Variants in DOCK3 observed in about 807,000 individuals in gnomAD.
The protein encoded by DOCK3 is dedicator of cytokinesis 3, also known as dedicator of cytokinesis protein 3.
In DOCK3, 60 loss-of-function variants were observed where a neutral mutation model predicts 265.6. That is an observed-to-expected ratio of 0.23 (90% CI 0.18 to 0.28). The LOEUF is 0.28. DOCK3 is among the 10% of genes least tolerant of loss of function. The probability of loss-of-function intolerance (pLI) is 1.00; values close to 1 mark genes in which losing one functional copy is unlikely to be tolerated. For synonymous variants in DOCK3, 881 were observed against 938.0 expected (o/e 0.94, Z 1.11); for missense variants, 1,981 against 2,594.3 (o/e 0.76, Z 5.14).
At chr3:51,351,785 T>C (rs2086003977) in intron 40 of DOCK3, among the ~76,000 whole-genome samples, 1 of 151,300 alleles carries the variant, frequency 6.6e-6, no homozygotes, top group Non-Finnish European at 1.5e-5. Context: ...GCCTCCCGAG[T>C]GGCTGGGATT....
chr3:51,041,517 C>A (rs528270981), intron 5 of DOCK3, among the ~76,000 whole-genome samples: 2 of 151,954 alleles, frequency 1.3e-5, no homozygotes, highest in South Asian at 2.1e-4. Context: ...GCACCCGGCC[C>A]AAAATGTATT....
chr3:50,936,945 T>A (rs2051396328), intron 5 of DOCK3, among the ~76,000 whole-genome samples: 1 of 152,196 alleles, frequency 6.6e-6, no homozygotes. Flanking sequence ...AAAATTATAA[T>A]GTTGATACAG....
intron 40 of DOCK3, among the ~76,000 whole-genome samples, chr3:51,350,680 T>A (rs979695515): frequency 6.6e-6 from 1 of 152,132 alleles, no homozygotes; most frequent in Non-Finnish European, 1.5e-5. Context: ...GAGTGTGCCA[T>A]AGGTGCCTTC....
chr3:50,833,959 G>A (rs2045351569), intron 2 of DOCK3, among the ~76,000 whole-genome samples: 1 of 152,126 alleles, frequency 6.6e-6, no homozygotes, highest in African/African-American at 2.4e-5. Flanking sequence ...AAAGCTGTAA[G>A]TAGCTCAAAA....
intron 9 of DOCK3, among the ~76,000 whole-genome samples, chr3:51,118,332 A>G (rs1486848240): frequency 1.3e-5 from 2 of 152,162 alleles, no homozygotes; most frequent in African/African-American, 2.4e-5. Context: ...ACTGTTTGGC[A>G]TGATTTCCAT....
intron 4 of DOCK3, among the ~76,000 whole-genome samples, chr3:50,907,578 C>G (rs1293179312): frequency 6.6e-6 from 1 of 151,974 alleles, no homozygotes; most frequent in Non-Finnish European, 1.5e-5. Flanking sequence ...ATTGCAACCC[C>G]TGCCTTTTTT....
intron 9 of DOCK3, among the ~76,000 whole-genome samples, chr3:51,104,601 C>T (rs1379583169): frequency 6.6e-6 from 1 of 152,098 alleles, no homozygotes; most frequent in East Asian, 1.9e-4. Context: ...ATTATGATTG[C>T]CTCTGAGTGA....
In DOCK3 at chr3:51,314,988, A is replaced by G; in HGVS notation, c.3262A>G (p.Lys1088Glu). The G allele has an allele frequency of 6.2e-7, 1 of 1,605,714 alleles. No individual in the cohort carries two copies. Among genetic ancestry groups the G allele is most frequent in the Non-Finnish European group, 8.5e-7 (1 of 1,174,970 alleles). The part of the protein sequence containing the change: ...FSMWQNLGEH[K>E]IHFIPGMIGP... ...TGGGTTTTGTTTTTCAGGTGAACAT[A>G]AGATCCACTTTATTCCGGGAATGAT... Residue 1088 changes from lysine to glutamate, a missense_variant, in exon 32 of 53, where the codon AAG becomes GAG. Lys to Glu is a moderately conservative substitution (Grantham distance 56). Coordinates refer to ENST00000266037, the MANE Select transcript of DOCK3 (RefSeq NM_004947.5).
intron 32 of DOCK3, among the ~76,000 whole-genome samples, chr3:51,326,907 G>A (rs2084166170): frequency 6.6e-6 from 1 of 152,098 alleles, no homozygotes; most frequent in Non-Finnish European, 1.5e-5. Context: ...TTACAGGCAT[G>A]ACCCACCTCT....
intron 28 of DOCK3, among the ~76,000 whole-genome samples, chr3:51,311,493 T>C (rs2083063987): frequency 6.6e-6 from 1 of 152,172 alleles, no homozygotes; most frequent in Non-Finnish European, 1.5e-5. Context: ...TGAATTCAAA[T>C]GACACATAGA....
At chr3:51,328,025 A>G (rs1018674626) in intron 32 of DOCK3, among the ~76,000 whole-genome samples, 1 of 152,150 alleles carries the variant, frequency 6.6e-6, no homozygotes. Flanking sequence ...AAAACACTTG[A>G]ATAGGTATCA....
At chr3:50,993,903 C>T (rs2078192984) in intron 5 of DOCK3, among the ~76,000 whole-genome samples, 2 of 152,190 alleles carry the variant, frequency 1.3e-5, no homozygotes, top group Non-Finnish European at 2.9e-5. Context: ...GCATTGTCTG[C>T]CCTGTGCTGC....
intron 9 of DOCK3, among the ~76,000 whole-genome samples, chr3:51,136,733 A>G (rs1233822640): frequency 6.6e-6 from 1 of 152,152 alleles, no homozygotes; most frequent in Non-Finnish European, 1.5e-5. Flanking sequence ...GAGGAAGGCT[A>G]GAAAGAACCC....
At chr3:51,034,813 C>T (rs1479915201) in intron 5 of DOCK3, among the ~76,000 whole-genome samples, 1 of 151,754 alleles carries the variant, frequency 6.6e-6, no homozygotes, top group African/African-American at 2.4e-5. Flanking sequence ...CTACAAATGC[C>T]CTATTTCACT....
chr3:51,288,597 TAAAA>T lies in DOCK3; in HGVS notation c.2922+8397_2922+8400del, dbSNP rs137976463. On this transcript the variant is annotated intron_variant, in intron 27 of 52. Coordinates refer to ENST00000266037, the MANE Select transcript of DOCK3 (RefSeq NM_004947.5). ...TGCACATGTACCCCTGAACCTAAAA[TAAAA>T]AAAGAAAAAAGCTAACATAAAGGCT... Among the ~76,000 whole-genome samples, 240 of 151,524 alleles carry T rather than the reference TAAAA, an allele frequency of 1.6e-3. 3 individuals carry two copies. Among genetic ancestry groups the T allele is most frequent in the African/African-American group, 5.5e-3 (227 of 41,322 alleles).
At chr3:50,961,935 A>G (rs1160887214) in intron 5 of DOCK3, among the ~76,000 whole-genome samples, 1 of 152,196 alleles carries the variant, frequency 6.6e-6, no homozygotes, top group African/African-American at 2.4e-5. Flanking sequence ...TTCATGCATA[A>G]TCTTGTTTAG....
intron 5 of DOCK3, among the ~76,000 whole-genome samples, chr3:50,970,632 G>T (rs990001740): frequency 6.7e-6 from 1 of 149,634 alleles, no homozygotes; most frequent in Non-Finnish European, 1.5e-5. Flanking sequence ...TCTAAAAAGT[G>T]TGTATCTCTT....
chr3:50,997,455 G>A (rs2078326006), intron 5 of DOCK3, among the ~76,000 whole-genome samples: 1 of 152,066 alleles, frequency 6.6e-6, no homozygotes, highest in Non-Finnish European at 1.5e-5. Context: ...TTGTGGAAAT[G>A]ATGTTGGGAT....
At chr3:50,835,438 C>G (rs2045448130) in intron 2 of DOCK3, among the ~76,000 whole-genome samples, 1 of 152,286 alleles carries the variant, frequency 6.6e-6, no homozygotes, top group Non-Finnish European at 1.5e-5. Context: ...TCAGAAACTT[C>G]CATTCGAGAG....
Sources: gnomAD v4.1 joint callset for allele counts (sites outside exome capture counted in the v4.1 genomes callset) on GRCh38, gnomAD v4.1.1 for gene constraint, MANE v1.5 for transcripts, NCBI Gene and HGNC (gene_info 2026-07-23, HGNC 2026-07-21) for gene names.